MAPRE3: variants seen among roughly 807,000 people sequenced by gnomAD.
MAPRE3 encodes the protein microtubule-associated protein RP/EB family member 3.
In MAPRE3, 2 loss-of-function variants were observed where a neutral mutation model predicts 30.5. The ratio of observed to expected loss-of-function variants is 0.07; its 90% CI spans 0.03 to 0.21. The LOEUF is 0.21. Ranked by LOEUF, MAPRE3 falls within the 10% of genes least tolerant of loss-of-function variation. The pLI, the probability that MAPRE3 is intolerant of heterozygous loss-of-function variation, is 1.00. For synonymous variants in MAPRE3, 110 were observed against 127.7 expected (o/e 0.86, Z 0.93); for missense variants, 204 against 351.8 (o/e 0.58, Z 3.36).
chr2:26,991,315 G>T (rs527451102), intron 1 of MAPRE3, among the ~76,000 whole-genome samples: 1 of 152,228 alleles, frequency 6.6e-6, no homozygotes, highest in Non-Finnish European at 1.5e-5. Flanking sequence ...AGGGGAGGTC[G>T]GGTCTGCCAC....
chr2:27,022,205 T>C lies in MAPRE3; in HGVS notation c.-7-7T>C. Reference sequence around the variant, plus strand: ...GTGCTGACCTCACCTTTCTTCTTGCTTTCCAGCTGGGGTATGGCCGTCAAT... The same window carrying C: ...GTGCTGACCTCACCTTTCTTCTTGCCTTCCAGCTGGGGTATGGCCGTCAAT... On this transcript the variant is annotated splice_polypyrimidine_tract_variant and splice_region_variant and intron_variant, in intron 1 of 6. Coordinates refer to ENST00000233121, the MANE Select transcript of MAPRE3 (RefSeq NM_012326.4). The C allele has an allele frequency of 6.2e-7, 1 of 1,613,080 alleles. No homozygotes were observed. The highest frequency in any genetic ancestry group is 1.8e-4 in the Middle Eastern group (1 of 5,546).
intron 1 of MAPRE3, among the ~76,000 whole-genome samples, chr2:26,981,044 G>A (rs1324556816): frequency 6.6e-6 from 1 of 152,060 alleles, no homozygotes; most frequent in Non-Finnish European, 1.5e-5. Context: ...TAGTAAAATA[G>A]AGCCAAGGCC....
At chr2:26,996,655 T>G (rs926423181) in intron 1 of MAPRE3, among the ~76,000 whole-genome samples, 1 of 151,888 alleles carries the variant, frequency 6.6e-6, no homozygotes, top group Non-Finnish European at 1.5e-5. Flanking sequence ...CCGGGCGCCG[T>G]GGTGGGCGCC....
chr2:27,026,328 G>C lies in MAPRE3; in HGVS notation c.826G>C (p.Glu276Gln). 6.2e-7 allele frequency: 1 copy of C among 1,614,030 alleles called. No individual in the cohort carries two copies. The highest frequency in any genetic ancestry group is 8.5e-7 in the Non-Finnish European group (1 of 1,179,954). Residue 276 changes from glutamate (E) to glutamine (Q), a missense_variant, in exon 7 of 7, where the codon GAA becomes CAA. Physicochemically the swap from Glu to Gln is conservative, Grantham distance 29 (BLOSUM62 2). Around this residue, in one of 5 missense-constraint regions of MAPRE3, gnomAD observed 26 missense variants for 25.6 expected, o/e 1.02. Transcript: ENST00000233121. ...EDDEIEEHQQ[E>Q]DQDEY ...CGATGAGATTGAAGAGCATCAACAA[G>C]AAGACCAGGACGAGTACTGAGGGCG...
intron 1 of MAPRE3, among the ~76,000 whole-genome samples, chr2:27,017,568 C>T (rs897694751): frequency 2.6e-5 from 4 of 152,150 alleles, no homozygotes; most frequent in Non-Finnish European, 1.5e-5. Flanking sequence ...CTTGGGAGCC[C>T]TAAAAGCAAG....
chr2:27,001,412 G>A (rs1206943765), intron 1 of MAPRE3, among the ~76,000 whole-genome samples: 4 of 152,092 alleles, frequency 2.6e-5, no homozygotes, highest in East Asian at 1.9e-4. Flanking sequence ...AGGTTGAGGC[G>A]GCAGGATCAC....
chr2:27,022,711 C>G (rs932481555), intron 2 of MAPRE3: 1 of 200,434 alleles, frequency 5.0e-6, no homozygotes. Flanking sequence ...GTATTATAAT[C>G]CTGTAGGACC....
chr2:27,018,927 A>ATTTATTTT (rs1553330734), intron 1 of MAPRE3, among the ~76,000 whole-genome samples: 111 of 150,950 alleles, frequency 7.4e-4, no homozygotes, highest in African/African-American at 2.6e-3. Flanking sequence ...TTATTTATTT[A>ATTTATTTT]TTTTTTGGAG....
chr2:26,981,252 C>T (rs900122412), intron 1 of MAPRE3, among the ~76,000 whole-genome samples: 1 of 152,048 alleles, frequency 6.6e-6, no homozygotes, highest in Non-Finnish European at 1.5e-5. Flanking sequence ...TGAGTGGGGA[C>T]GGGCACCAGG....
At chr2:26,992,535 T>TC (rs1296234271) in intron 1 of MAPRE3, among the ~76,000 whole-genome samples, 3 of 119,660 alleles carry the variant, frequency 2.5e-5, no homozygotes, top group African/African-American at 7.5e-5. Flanking sequence ...CAGATAATTT[T>TC]TTTTTTTTTT....
At position 27,015,430 on chromosome 2, in the gene MAPRE3, G is replaced by A. The variant is rs1648720535; in HGVS notation, c.-7-6782G>A. On this transcript the variant is annotated intron_variant, in intron 1 of 6. Transcript: ENST00000233121. The surrounding 1 kb of genome is among the most constrained non-coding windows in gnomAD (Gnocchi z 4.0). The stretch of plus-strand genomic sequence containing the variant: ...GGATTTGAACCCACCTGATGTGCCT[G>A]GAGATCTAGTGTTCTTAAGCACTAC... 6.6e-6 allele frequency among the ~76,000 whole-genome samples: 1 copy of A among 152,176 alleles called. No homozygotes were observed.
rs1473997599 is a variant in MAPRE3 at position 26,995,825 on chromosome 2, G to GTGTGTGTGTGTGTGTA, written c.-8+25028_-8+25029insGTGTGTGTGTATGTGT. Among the ~76,000 whole-genome samples the GTGTGTGTGTGTGTGTA allele has an allele frequency of 1.8e-3, 263 of 149,194 alleles. 1 individual carries two copies. The highest frequency in any genetic ancestry group is 0.015 in the East Asian group (69 of 4,752). ...TGTGTGTGTGTGTGTGTGTGTGTGT[G>GTGTGTGTGTGTGTGTA]TGTGTATGTGTGTGTGTTTTGGAAA... On this transcript the variant is annotated intron_variant, in intron 1 of 6. Transcript: ENST00000233121.
intron 1 of MAPRE3, among the ~76,000 whole-genome samples, chr2:26,973,712 C>T (rs867840532): frequency 1.2e-4 from 18 of 152,122 alleles, no homozygotes; most frequent in African/African-American, 3.6e-4. Flanking sequence ...CCCGCCACCG[C>T]GCCCGGCTAA....
chr2:26,992,527 G>A, intron 1 of MAPRE3, among the ~76,000 whole-genome samples: 1 of 140,148 alleles, frequency 7.1e-6, no homozygotes, highest in East Asian at 2.4e-4. Context: ...ACCCGGCCCA[G>A]ATAATTTTTT....
intron 1 of MAPRE3, among the ~76,000 whole-genome samples, chr2:26,994,061 A>G (rs1003524772): frequency 7.2e-5 from 11 of 152,188 alleles, no homozygotes; most frequent in Non-Finnish European, 1.5e-4. Context: ...GCATTTGCCT[A>G]CTTTGAAAGA....
At chr2:26,981,398 A>G (rs921160730) in intron 1 of MAPRE3, among the ~76,000 whole-genome samples, 1 of 152,124 alleles carries the variant, frequency 6.6e-6, no homozygotes, top group Non-Finnish European at 1.5e-5. Context: ...GTCAGCCAGA[A>G]TGAGGAGGCA....
At chr2:26,976,942 C>T (rs2148195912) in intron 1 of MAPRE3, among the ~76,000 whole-genome samples, 1 of 152,302 alleles carries the variant, frequency 6.6e-6, no homozygotes, top group South Asian at 2.1e-4. Flanking sequence ...TGCAACATTA[C>T]TAGTAATATC....
rs1357779588 is a variant in MAPRE3, at chr2:27,026,266, C to T, written c.778-14C>T. On this transcript the variant is annotated splice_polypyrimidine_tract_variant and intron_variant, in intron 6 of 6. Transcript: ENST00000233121. ...TGCCTGGCCCACCACTTTCCTCTCT[C>T]TCCCACCCTCCAGGAAGGATTCGCA... 3.1e-6 allele frequency: 5 copies of T among 1,609,494 alleles called. No homozygotes were observed. The highest frequency in any genetic ancestry group is 3.3e-4 in the Middle Eastern group (2 of 6,062).
chr2:26,975,708 A>T (rs992512507), intron 1 of MAPRE3, among the ~76,000 whole-genome samples: 2 of 152,218 alleles, frequency 1.3e-5, no homozygotes, highest in Non-Finnish European at 2.9e-5. Context: ...CATTTAATGA[A>T]GACCAAATAG....
Sources: allele counts gnomAD v4.1 joint callset (sites outside exome capture counted in the v4.1 genomes callset), GRCh38; gene constraint gnomAD v4.1.1; regional missense constraint gnomAD v4.1.1; non-coding constraint Gnocchi (gnomAD v3.1); transcripts MANE v1.5; gene names NCBI Gene and HGNC (gene_info 2026-07-23, HGNC 2026-07-21).